Variants in DACH2 observed in about 807,000 individuals in gnomAD.
DACH2 encodes the protein dachshund family transcription factor 2, also known as dachshund homolog 2.
Under a neutral mutation model 35.8 loss-of-function variants are expected in DACH2, and 17 were observed. The ratio of observed to expected loss-of-function variants is 0.48; its 90% CI spans 0.33 to 0.71. The LOEUF (loss-of-function observed/expected upper bound fraction) is 0.71, where lower values mean the gene tolerates loss of function less well. DACH2 is among the 30% of genes least tolerant of loss of function. DACH2 has a pLI of 0.02. For missense variants in DACH2, 469 were observed against 472.7 expected (o/e 0.99, Z 0.07); for synonymous variants, 195 against 177.3 (o/e 1.10, Z -0.79).
rs1556296749 is a variant in DACH2 at position 86,529,979 on chromosome X, A to ACACACG, written c.640+15593_640+15594insGCACAC. 5.9e-3 allele frequency among the ~76,000 whole-genome samples: 389 copies of ACACACG among 65,832 alleles called. 1 individual carries two copies. The highest frequency in any genetic ancestry group is 9.0e-3 in the East Asian group (17 of 1,882). The allele number at this position is 65,832 out of a possible 115,157, so 57.2% of individuals were successfully genotyped here. Reference sequence around the variant, plus strand: ...CACACACACACACACACACACACGCACACACACACACACACACACACACAC... The same window carrying ACACACG: ...CACACACACACACACACACACACGCACACACGCACACACACACACACACACACACAC... On this transcript the variant is annotated intron_variant, in intron 3 of 11. Coordinates refer to ENST00000373125, the MANE Select transcript of DACH2 (RefSeq NM_053281.3).
chrX:86,246,447 T>C (rs1477799885), intron 1 of DACH2, among the ~76,000 whole-genome samples: 1 of 111,855 alleles, frequency 8.9e-6, no homozygotes, highest in African/African-American at 3.2e-5. Flanking sequence ...AAGTGAACTC[T>C]ATCAGGCTAA....
intron 2 of DACH2, among the ~76,000 whole-genome samples, chrX:86,428,308 A>C (rs72633145): frequency 8.9e-6 from 1 of 111,905 alleles, no homozygotes. Context: ...TCATTCAAAA[A>C]TGTCAGTAAA....
At chrX:86,406,612 G>A (rs1212026378) in intron 2 of DACH2, among the ~76,000 whole-genome samples, 1 of 112,299 alleles carries the variant, frequency 8.9e-6, no homozygotes, top group Non-Finnish European at 1.9e-5. Flanking sequence ...AGTTTATATT[G>A]ACATGCTTAA....
chrX:86,485,462 T>A (rs1017149017), intron 2 of DACH2, among the ~76,000 whole-genome samples: 1 of 111,269 alleles, frequency 9.0e-6, no homozygotes, highest in African/African-American at 3.3e-5. Context: ...TTCTATTGCT[T>A]AGTAGGATGA....
At chrX:86,634,466 G>T (rs1249659123) in intron 3 of DACH2, among the ~76,000 whole-genome samples, 1 of 111,031 alleles carries the variant, frequency 9.0e-6, no homozygotes, top group African/African-American at 3.3e-5. Context: ...CTAGACAAGA[G>T]AAAGAAATAA....
intron 3 of DACH2, among the ~76,000 whole-genome samples, chrX:86,548,064 G>T (rs189090712): frequency 1.8e-5 from 2 of 112,365 alleles, no homozygotes; most frequent in East Asian, 5.6e-4. Flanking sequence ...CATCAGAACT[G>T]CCACTTCCTA....
intron 1 of DACH2, among the ~76,000 whole-genome samples, chrX:86,361,056 A>G (rs2035732163): frequency 8.9e-6 from 1 of 111,783 alleles, no homozygotes; most frequent in South Asian, 3.6e-4. Context: ...GTTAAAGAAC[A>G]GCTTATCTTT....
At chrX:86,292,316 C>G (rs5968860) in intron 1 of DACH2, among the ~76,000 whole-genome samples, 4 of 95,015 alleles carry the variant, frequency 4.2e-5, no homozygotes, top group Admixed American at 3.7e-4. Flanking sequence ...TCTTCTCTCT[C>G]TTTTTCTTTA....
chrX:86,528,529 T>C (rs1225839873), intron 3 of DACH2, among the ~76,000 whole-genome samples: 1 of 111,729 alleles, frequency 9.0e-6, no homozygotes, highest in East Asian at 2.8e-4. Flanking sequence ...AACGTGTGAA[T>C]TGAATTCTAA....
intron 3 of DACH2, among the ~76,000 whole-genome samples, chrX:86,546,390 T>TTCC (rs2038964260): frequency 1.2e-5 from 1 of 81,566 alleles, no homozygotes; most frequent in African/African-American, 6.2e-5. Flanking sequence ...CTTCTTCTTC[T>TTCC]TCTTCTTCTT....
chrX:86,525,066 A>G (rs1331989495), intron 3 of DACH2, among the ~76,000 whole-genome samples: 1 of 111,860 alleles, frequency 8.9e-6, no homozygotes, highest in Non-Finnish European at 1.9e-5. Flanking sequence ...TGAGTTTTTA[A>G]GAAGCTCAGT....
chrX:86,580,913 A>G (rs2039493211), intron 3 of DACH2, among the ~76,000 whole-genome samples: 1 of 111,510 alleles, frequency 9.0e-6, no homozygotes, highest in African/African-American at 3.3e-5. Flanking sequence ...GTACAAGATG[A>G]CAATCCCCAG....
intron 3 of DACH2, among the ~76,000 whole-genome samples, chrX:86,539,287 G>A (rs778709255): frequency 9.0e-6 from 1 of 111,128 alleles, no homozygotes; most frequent in African/African-American, 3.3e-5. Flanking sequence ...TTCACTTTCT[G>A]CCATGATTGT....
At chrX:86,486,407 A>T (rs1047553222) in intron 2 of DACH2, among the ~76,000 whole-genome samples, 1 of 109,696 alleles carries the variant, frequency 9.1e-6, no homozygotes, top group Non-Finnish European at 1.9e-5. Context: ...TAGTCCACTT[A>T]CTTAGTTTCT....
At chrX:86,242,711 G>A (rs760824696) in intron 1 of DACH2, among the ~76,000 whole-genome samples, 3 of 111,386 alleles carry the variant, frequency 2.7e-5, no homozygotes, top group Non-Finnish European at 5.7e-5. Flanking sequence ...ATGTCAAATT[G>A]TAATCCCCAC....
chrX:86,482,787 A>G (rs2037958355), intron 2 of DACH2, among the ~76,000 whole-genome samples: 1 of 110,638 alleles, frequency 9.0e-6, no homozygotes. Flanking sequence ...TGGCACATAT[A>G]CACCATGGAA....
intron 7 of DACH2, among the ~76,000 whole-genome samples, chrX:86,745,156 T>C (rs2041698130): frequency 8.9e-6 from 1 of 111,803 alleles, no homozygotes; most frequent in South Asian, 3.7e-4. Context: ...ATTGAAATGT[T>C]ATATTTTAAG....
intron 1 of DACH2, among the ~76,000 whole-genome samples, chrX:86,178,640 G>GT (rs1436993282): frequency 9.0e-6 from 1 of 111,201 alleles, no homozygotes; most frequent in African/African-American, 3.3e-5. Flanking sequence ...CTCAGGCACA[G>GT]TTGTTCTGAT....
intron 1 of DACH2, among the ~76,000 whole-genome samples, chrX:86,346,731 C>T (rs1043188817): frequency 9.0e-6 from 1 of 111,503 alleles, no homozygotes; most frequent in Admixed American, 9.6e-5. Context: ...AATATGGATC[C>T]CCTATACTTT....
Sources: allele counts gnomAD v4.1 joint callset (sites outside exome capture counted in the v4.1 genomes callset), GRCh38; gene constraint gnomAD v4.1.1; transcripts MANE v1.5; gene names NCBI Gene and HGNC (gene_info 2026-07-23, HGNC 2026-07-21).